CPNE4: variants seen among roughly 807,000 people sequenced by gnomAD.
The protein encoded by CPNE4 is copine 4.
CPNE4 carries 25 observed loss-of-function variants against 67.9 expected under a neutral mutation model. The observed-to-expected ratio is 0.37, with a 90% CI of 0.27 to 0.51. CPNE4 has a LOEUF of 0.51. Ranked by LOEUF, CPNE4 falls within the 20% of genes least tolerant of loss-of-function variation. CPNE4 has a pLI of 0.93. For missense variants in CPNE4, 464 were observed against 690.8 expected, an observed-to-expected ratio of 0.67 and a Z score of 3.68; for synonymous variants, 242 against 244.9, an observed-to-expected ratio of 0.99 and a Z score of 0.11.
At chr3:131,926,603 G>A (rs1274557956) in intron 1 of CPNE4, among the ~76,000 whole-genome samples, 1 of 152,116 alleles carries the variant, frequency 6.6e-6, no homozygotes, top group Non-Finnish European at 1.5e-5. Context: ...TTACCAATCC[G>A]TGGACTTTCC....
At chr3:131,956,374 T>G (rs995564052) in intron 1 of CPNE4, among the ~76,000 whole-genome samples, 1 of 152,218 alleles carries the variant, frequency 6.6e-6, no homozygotes, top group African/African-American at 2.4e-5. Flanking sequence ...AAGGGCATAT[T>G]TGTGACTACC....
At chr3:132,038,118 G>A (rs927718177), upstream of CPNE4, among the ~76,000 whole-genome samples, 1 of 151,302 alleles carries the variant, frequency 6.6e-6, no homozygotes, top group African/African-American at 2.4e-5. Context: ...GCTATTTATA[G>A]CTCAAAAATT....
At chr3:131,986,293 A>G (rs932154189) in intron 1 of CPNE4, among the ~76,000 whole-genome samples, 2 of 152,198 alleles carry the variant, frequency 1.3e-5, no homozygotes, top group Non-Finnish European at 2.9e-5. Context: ...CACCATGGCC[A>G]AGTTCAAGCT....
chr3:131,814,896 G>A (rs991468384), intron 2 of CPNE4, among the ~76,000 whole-genome samples: 11 of 136,364 alleles, frequency 8.1e-5, no homozygotes, highest in African/African-American at 3.4e-4. Context: ...GAGCCACCGC[G>A]CCCGGCCTGA....
At chr3:131,649,065 T>G (rs2079741140) in intron 7 of CPNE4, among the ~76,000 whole-genome samples, 1 of 152,216 alleles carries the variant, frequency 6.6e-6, no homozygotes, top group African/African-American at 2.4e-5. Context: ...TGGAAACACA[T>G]GAACAACAGG....
At chr3:131,662,110 T>C (rs1036613801) in intron 7 of CPNE4, among the ~76,000 whole-genome samples, 18 of 152,034 alleles carry the variant, frequency 1.2e-4, no homozygotes, top group African/African-American at 4.3e-4. Flanking sequence ...AAAACAAACA[T>C]GCAATTAATT....
rs1207127859 is a variant in CPNE4, at chr3:131,662,046, C to T, written c.681+7629G>A. On this transcript the variant is annotated intron_variant, in intron 7 of 15. Transcript: ENST00000429747. ...GGGTTGGAACTTGTCTTTTCCTTTC[C>T]AAGCAGTAAGAGCTAGAAGGTTTGC... Among the ~76,000 whole-genome samples the T allele has an allele frequency of 2.6e-5, 4 of 151,978 alleles. No homozygotes were observed. The East Asian group carries it at 7.7e-4, about 29-fold the overall frequency.
At chr3:131,944,298 G>A (rs376156914) in intron 1 of CPNE4, among the ~76,000 whole-genome samples, 1 of 152,074 alleles carries the variant, frequency 6.6e-6, no homozygotes, top group East Asian at 1.9e-4. Flanking sequence ...CACAGTGGAA[G>A]CTGACAAATG....
intron 8 of CPNE4, among the ~76,000 whole-genome samples, chr3:131,586,265 G>T (rs1938175203): frequency 6.6e-6 from 1 of 152,150 alleles, no homozygotes; most frequent in South Asian, 2.1e-4. Context: ...AGGTGTCTTG[G>T]GTTGAGTTCC....
At chr3:131,867,355 A>G (rs887957098) in intron 2 of CPNE4, among the ~76,000 whole-genome samples, 7 of 152,100 alleles carry the variant, frequency 4.6e-5, no homozygotes, top group Admixed American at 1.3e-4. Flanking sequence ...GCAGCAAACA[A>G]AGAATGAACA....
chr3:131,842,907 T>C (rs1365729969), intron 2 of CPNE4, among the ~76,000 whole-genome samples: 1 of 152,086 alleles, frequency 6.6e-6, no homozygotes, highest in Non-Finnish European at 1.5e-5. Context: ...ATATACAGCA[T>C]TTACCCATAA....
chr3:131,790,917 T>C (rs1265874553), intron 2 of CPNE4, among the ~76,000 whole-genome samples: 1 of 152,198 alleles, frequency 6.6e-6, no homozygotes, highest in Non-Finnish European at 1.5e-5. Flanking sequence ...CTTTAACATG[T>C]TTTATTGTGC....
rs1376366695 is a variant in CPNE4, at chr3:131,536,095, G to A, written c.1540-766C>T. Among the ~76,000 whole-genome samples the A allele has an allele frequency of 2.6e-5, 4 of 152,158 alleles. No individual in the cohort carries two copies. The East Asian group carries it at 5.8e-4, about 22-fold the overall frequency. On this transcript the variant is annotated intron_variant, in intron 15 of 15. Transcript: ENST00000429747. ...CTGAAGGAAGTGTGTATGGCAGGTG[G>A]GGGACGAGGGGGTTTAGGGGTAGTT... is the stretch of plus-strand genomic sequence containing the variant.
intron 2 of CPNE4, among the ~76,000 whole-genome samples, chr3:131,753,758 T>C (rs1484858155): frequency 6.6e-6 from 1 of 152,178 alleles, no homozygotes; most frequent in African/African-American, 2.4e-5. Flanking sequence ...GTTAAAATTT[T>C]TTTAAAAGAT....
intron 2 of CPNE4, among the ~76,000 whole-genome samples, chr3:131,848,174 A>G (rs2086077869): frequency 6.6e-6 from 1 of 152,180 alleles, no homozygotes; most frequent in African/African-American, 2.4e-5. Flanking sequence ...CTTCAAGACA[A>G]TCAAAAGCTA....
chr3:131,875,676 T>A (rs1039689326), intron 2 of CPNE4, among the ~76,000 whole-genome samples: 10 of 132,606 alleles, frequency 7.5e-5, no homozygotes, highest in African/African-American at 2.8e-4. Flanking sequence ...CACCCAGGCC[T>A]GTCCTGGGGT....
chr3:131,871,711 G>A (rs1211393182), intron 2 of CPNE4, among the ~76,000 whole-genome samples: 2 of 152,294 alleles, frequency 1.3e-5, no homozygotes, highest in East Asian at 3.9e-4. Flanking sequence ...GATGTGGTAA[G>A]TTCAGACCCT....
At position 131,542,598 on chromosome 3, in the gene CPNE4, G is replaced by A. The variant is rs1935568412; in HGVS notation, c.1498C>T (p.Arg500Ter). The A allele has an allele frequency of 1.2e-6, 2 of 1,614,032 alleles. No homozygotes were observed. The highest frequency in any genetic ancestry group is 1.7e-6 in the Non-Finnish European group (2 of 1,179,964). ...LRSPKGEPVL[R>*]DIVQFVPFRN... is the part of the protein sequence containing the mutation. ...AAGGGCACGAACTGGACGATGTCTC[G>A]AAGAACAGGCTCTCCCTTGGGTGAC... The change falls in exon 15 of 16, where the codon CGA (arginine) becomes TGA (stop). Residue 500 changes from arginine (R) to a stop codon, truncating the protein, a stop_gained. Coordinates refer to ENST00000429747, the MANE Select transcript of CPNE4 (RefSeq NM_130808.3). LOFTEE classifies it high-confidence loss of function.
chr3:131,955,378 C>T (rs1252950726), intron 1 of CPNE4, among the ~76,000 whole-genome samples: 3 of 115,880 alleles, frequency 2.6e-5, no homozygotes, highest in Non-Finnish European at 5.5e-5. Flanking sequence ...AAGTTGCACG[C>T]AATGCTTTTT....
Sources: gnomAD v4.1 joint callset for allele counts (sites outside exome capture counted in the v4.1 genomes callset) on GRCh38, gnomAD v4.1.1 for gene constraint, MANE v1.5 for transcripts, NCBI Gene and HGNC (gene_info 2026-07-23, HGNC 2026-07-21) for gene names.